MTFR1: variants seen among roughly 807,000 people sequenced by gnomAD.
MTFR1 encodes mitochondrial fission regulator 1.
A neutral mutation model predicts 38.8 loss-of-function variants in MTFR1; 28 were observed. The observed-to-expected ratio is 0.72, with a 90% CI of 0.53 to 0.99. MTFR1 has a LOEUF of 0.99. Among genes scored for constraint, MTFR1 ranks in the 50% least tolerant of loss-of-function variants. MTFR1 has a pLI of 0.00. For synonymous variants in MTFR1, 145 were observed against 137.0 expected (o/e 1.06, Z -0.41); for missense variants, 358 against 395.5 (o/e 0.91, Z 0.81).
intron 1 of MTFR1, among the ~76,000 whole-genome samples, chr8:65,660,291 C>CAAAAAA (rs1358969347): frequency 3.0e-5 from 2 of 67,444 alleles, no homozygotes; most frequent in Admixed American, 1.8e-4. Flanking sequence ...AACTCTGTCT[C>CAAAAAA]AAAAAAAAAA....
chr8:65,733,147 TG>T (rs1806972308), intron 3 of MTFR1, among the ~76,000 whole-genome samples: 1 of 152,164 alleles, frequency 6.6e-6, no homozygotes, highest in African/African-American at 2.4e-5. Flanking sequence ...GGATGAAAAG[TG>T]TTTAAGTATT....
chr8:65,694,076 T>C (rs1805361580), intron 4 of MTFR1, among the ~76,000 whole-genome samples: 1 of 148,966 alleles, frequency 6.7e-6, no homozygotes, highest in Non-Finnish European at 1.5e-5. Flanking sequence ...CTAATTCTTT[T>C]TTTTTTTTTT....
At chr8:65,723,364 A>G in intron 3 of MTFR1, 1 of 504,518 alleles carries the variant, frequency 2.0e-6, no homozygotes, top group Non-Finnish European at 3.0e-6. Context: ...TTACATCCTA[A>G]AATTAAATGA....
At chr8:65,773,455 G>A (rs376245221), downstream of MTFR1, among the ~76,000 whole-genome samples, 5 of 152,242 alleles carry the variant, frequency 3.3e-5, no homozygotes, top group East Asian at 7.7e-4. Context: ...TCTTAACACT[G>A]AGCTGCCTCC....
At position 65,700,116 on chromosome 8, in the gene MTFR1, C is replaced by T. The variant is rs528711052; in HGVS notation, c.282-4578C>T. 4.0e-5 allele frequency among the ~76,000 whole-genome samples: 6 copies of T among 151,634 alleles called. No individual in the cohort carries two copies. The South Asian group carries it at 1.0e-3, about 26-fold the overall frequency. ...TTATAATCCCAGCACTTTGGGAGGT[C>T]GAGGTGGGTGGGTTGCTTGACCCCA... On this transcript the variant is annotated intron_variant, in intron 4 of 7. Coordinates refer to ENST00000262146, the MANE Select transcript of MTFR1 (RefSeq NM_014637.4).
downstream of MTFR1, chr8:65,714,607 C>A (rs1313478094): frequency 6.6e-6 from 1 of 152,166 alleles, no homozygotes; most frequent in Non-Finnish European, 1.5e-5. Flanking sequence ...ATGCACATTT[C>A]TTTGAAAGCA....
chr8:65,758,946 C>T (rs901817963), intron 3 of MTFR1, among the ~76,000 whole-genome samples: 20 of 152,142 alleles, frequency 1.3e-4, no homozygotes, highest in African/African-American at 4.8e-4. Context: ...CATAGGCAGC[C>T]TCTGTCTCTC....
rs1805804506 is a variant in MTFR1 at position 65,707,138 on chromosome 8, G to T, written c.646G>T (p.Glu216Ter). ...SAVDLIKERR[E>*]KRANAGKTLV... ...TGTTGATCTGATTAAAGAACGAAGA[G>T]AGAAAAGAGCCAATGCTGGAAAGAC... Residue 216 changes from glutamate (E) to a stop codon, truncating the protein, a stop_gained, in exon 6 of 8, where the codon GAG becomes TAG. Transcript: ENST00000262146. LOFTEE classifies it high-confidence loss of function. 6.2e-7 allele frequency: 1 copy of T among 1,613,676 alleles called. No homozygotes were observed. The highest frequency in any genetic ancestry group is 1.1e-5 in the South Asian group (1 of 91,070).
chr8:65,770,080 T>C (rs1438171031), intron 3 of MTFR1, among the ~76,000 whole-genome samples: 1 of 152,096 alleles, frequency 6.6e-6, no homozygotes, highest in East Asian at 1.9e-4. Flanking sequence ...TATTCTCAGA[T>C]ATGCATTGTT....
chr8:65,684,487 G>T (rs1049636594), intron 3 of MTFR1, among the ~76,000 whole-genome samples: 4 of 151,140 alleles, frequency 2.6e-5, no homozygotes, highest in African/African-American at 9.7e-5. Context: ...CCAGCTTCAA[G>T]CAGTTCTCCT....
intron 3 of MTFR1, chr8:65,765,530 C>T (rs1388462689): frequency 7.8e-6 from 1 of 128,814 alleles, no homozygotes; most frequent in African/African-American, 3.0e-5. Context: ...AGATAATGGG[C>T]GAAACATGCT....
chr8:65,726,393 T>C (rs1806611519), intron 3 of MTFR1, among the ~76,000 whole-genome samples: 1 of 152,188 alleles, frequency 6.6e-6, no homozygotes, highest in Non-Finnish European at 1.5e-5. Flanking sequence ...GCTCTAGAAG[T>C]GTGACTCCAG....
chr8:65,667,443 T>C (rs1298634828), intron 1 of MTFR1, among the ~76,000 whole-genome samples: 1 of 152,066 alleles, frequency 6.6e-6, no homozygotes, highest in Non-Finnish European at 1.5e-5. Flanking sequence ...TTTCTTTTTT[T>C]TGAGATGTAG....
intron 2 of MTFR1, among the ~76,000 whole-genome samples, chr8:65,675,378 G>A (rs1214683406): frequency 6.6e-6 from 1 of 151,976 alleles, no homozygotes; most frequent in African/African-American, 2.4e-5. Flanking sequence ...GGTGGATCAC[G>A]AGGTCAGGAG....
chr8:65,750,434 A>G (rs1476787463), intron 3 of MTFR1, among the ~76,000 whole-genome samples: 1 of 151,016 alleles, frequency 6.6e-6, no homozygotes, highest in Non-Finnish European at 1.5e-5. Context: ...GTGTGTGTGT[A>G]TTAGGATCAC....
chr8:65,764,589 A>G (rs1808674795), intron 3 of MTFR1, among the ~76,000 whole-genome samples: 1 of 152,252 alleles, frequency 6.6e-6, no homozygotes, highest in African/African-American at 2.4e-5. Context: ...AGAAAAGGGG[A>G]AAAGCACTAA....
intron 1 of MTFR1, among the ~76,000 whole-genome samples, chr8:65,662,044 T>TCTCTCTCTCC (rs1375038774): frequency 1.1e-3 from 40 of 35,132 alleles, no homozygotes; most frequent in African/African-American, 2.9e-3. Flanking sequence ...TCTCTCTCCC[T>TCTCTCTCTCC]CTCTCTCTCC....
At chr8:65,746,692 CATT>C (rs1229053728) in intron 3 of MTFR1, among the ~76,000 whole-genome samples, 1 of 152,082 alleles carries the variant, frequency 6.6e-6, no homozygotes, top group Non-Finnish European at 1.5e-5. Flanking sequence ...TAGTAGAAAT[CATT>C]AATTATAACA....
At chr8:65,654,462 A>T (rs1809203062) in intron 1 of MTFR1, among the ~76,000 whole-genome samples, 1 of 152,000 alleles carries the variant, frequency 6.6e-6, no homozygotes, top group African/African-American at 2.4e-5. Flanking sequence ...TTACCTTTGG[A>T]TTTTCTCTTT....
Sources: allele counts gnomAD v4.1 joint callset (sites outside exome capture counted in the v4.1 genomes callset), GRCh38; gene constraint gnomAD v4.1.1; transcripts MANE v1.5; gene names NCBI Gene and HGNC (gene_info 2026-07-23, HGNC 2026-07-21).